The following NUP214 variants were observed in gnomAD, a reference collection of about 807,000 sequenced individuals.
NUP214 encodes nucleoporin 214.
In NUP214, 79 loss-of-function variants were observed where a neutral mutation model predicts 196.2. That is an observed-to-expected ratio of 0.40 (90% CI 0.34 to 0.49). The LOEUF (loss-of-function observed/expected upper bound fraction) is 0.49, where lower values mean the gene tolerates loss of function less well. NUP214 is among the 20% of genes least tolerant of loss of function. The pLI is 0.58. For synonymous variants in NUP214, 1,020 were observed against 990.5 expected, an observed-to-expected ratio of 1.03 and a Z score of -0.56; for missense variants, 2,468 against 2,539.0, an observed-to-expected ratio of 0.97 and a Z score of 0.60.
intron 19 of NUP214, 55 bp from the exon 20 acceptor site, chr9:131,163,815 A>C: frequency 7.5e-7 from 1 of 1,326,558 alleles, no homozygotes; most frequent in African/African-American, 1.4e-5. Context: ...TACCCCCGAC[A>C]GCCTCCGATC....
At chr9:131,228,013 C>A in intron 32 of NUP214, 147 bp from the exon 33 acceptor site, 1 of 705,258 alleles carries the variant, frequency 1.4e-6, no homozygotes, top group Non-Finnish European at 2.2e-6. Flanking sequence ...TTGCCCTTTA[C>A]TCTAGTTCTT....
intron 28 of NUP214, among the ~76,000 whole-genome samples, chr9:131,196,620 C>A (rs549137079): frequency 6.6e-6 from 1 of 152,202 alleles, no homozygotes; most frequent in East Asian, 1.9e-4. Context: ...GTAAAGCAAC[C>A]TTTCCAGATT....
At chr9:131,213,402 C>T (rs1404358970) in intron 30 of NUP214, among the ~76,000 whole-genome samples, 6 of 151,992 alleles carry the variant, frequency 3.9e-5, no homozygotes, top group East Asian at 1.9e-4. Flanking sequence ...CTTGAGCTCC[C>T]GACCTCAGGT....
chr9:131,132,054 T>G (rs533591336), intron 5 of NUP214, among the ~76,000 whole-genome samples: 2 of 152,074 alleles, frequency 1.3e-5, no homozygotes, highest in African/African-American at 4.8e-5. Context: ...TGGTGTTGCA[T>G]TGACTACTCT....
rs553839559 is a variant in NUP214 at position 131,132,271 on chromosome 9, A to G, written c.664-325A>G. 4.6e-5 allele frequency among the ~76,000 whole-genome samples: 7 copies of G among 151,726 alleles called. No homozygotes were observed. In the East Asian group the frequency reaches 1.4e-3, roughly 29 times the overall value. On this transcript the variant is annotated intron_variant, in intron 5 of 35. Transcript: ENST00000359428. ...AGTAGCTGGGATTACGGCACCCGCC[A>G]CCACACCCAGCTATGTATTTTTAGT...
intron 21 of NUP214, among the ~76,000 whole-genome samples, chr9:131,170,536 A>AATTGCTAAAAATTT: frequency 6.6e-6 from 1 of 152,262 alleles, no homozygotes; most frequent in African/African-American, 2.4e-5. Flanking sequence ...TTGTTAGATT[A>AATTGCTAAAAATTT]ATTGCTAAAA....
Position 131,198,791 on chromosome 9 carries a change from C to A in NUP214, c.5297C>A (p.Ser1766Tyr). The A allele has an allele frequency of 6.2e-7, 1 of 1,614,268 alleles. No homozygotes were observed. Among genetic ancestry groups the A allele is most frequent in the Non-Finnish European group, 8.5e-7 (1 of 1,180,046 alleles). The stretch of plus-strand genomic sequence containing the variant: ...CAGCCTGCTTCCTCCACTCCCACAT[C>A]CACCAGTGGAAGTGTCTTTGGTGCC... ...FGQPASSTPT[S>Y]TSGSVFGAAS... Residue 1766 changes from serine (S) to tyrosine (Y), a missense_variant, in exon 29 of 36, where the codon TCC (serine) becomes TAC (tyrosine). By Grantham distance (144) the Ser-to-Tyr change is moderately radical (BLOSUM62 -2). Transcript: ENST00000359428.
In NUP214 at chr9:131,146,242, C is replaced by T. The variant is rs764119454; in HGVS notation, c.1883C>T (p.Thr628Ile). The change falls in exon 13 of 36, where the codon ACA becomes ATA. Residue 628 changes from threonine to isoleucine, a missense_variant. This residue lies in a region of NUP214 where 1,801 missense variants were observed against 1,779.4 expected (regional missense o/e 1.01). Transcript: ENST00000359428. The surrounding 1 kb of genome is among the most constrained non-coding windows in gnomAD (Gnocchi z 4.6). ...GCTTCTGGACCACTCAGCCACCCCACACCTCTCTCAGCACCACCTAGTTCC... is the reference window on the plus strand; with the variant it reads ...GCTTCTGGACCACTCAGCCACCCCATACCTCTCTCAGCACCACCTAGTTCC... ...PAASGPLSHP[T>I]PLSAPPSSVP... The T allele has an allele frequency of 1.2e-6, 2 of 1,614,178 alleles. No homozygotes were observed. The highest frequency in any genetic ancestry group is 2.2e-5 in the South Asian group (2 of 91,082).
At chr9:131,173,911 C>T (rs1833025677) in intron 21 of NUP214, 144 bp from the exon 22 acceptor site, 1 of 1,086,492 alleles carries the variant, frequency 9.2e-7, no homozygotes, top group East Asian at 2.6e-5. Flanking sequence ...TCACATTTGA[C>T]AATACCTGCT....
chr9:131,140,365 A>G (rs960155494), intron 10 of NUP214, among the ~76,000 whole-genome samples, 184 bp from the exon 11 acceptor site: 1 of 152,182 alleles, frequency 6.6e-6, no homozygotes, highest in African/African-American at 2.4e-5. Context: ...TGATAGCGGC[A>G]GGAACTCTCT....
At chr9:131,166,979 C>T (rs976972660) in intron 21 of NUP214, 3 of 152,094 alleles carry the variant, frequency 2.0e-5, no homozygotes, top group African/African-American at 7.2e-5. Context: ...AAGGTGCTCT[C>T]TTACACACCA....
chr9:131,231,278 C>T (rs1241726148), intron 34 of NUP214, among the ~76,000 whole-genome samples: 2 of 152,024 alleles, frequency 1.3e-5, no homozygotes, highest in South Asian at 2.1e-4. Flanking sequence ...CTATAAACTC[C>T]GCCTCCCGGG....
intron 30 of NUP214, among the ~76,000 whole-genome samples, chr9:131,210,817 C>T (rs541248679): frequency 1.3e-5 from 2 of 152,210 alleles, no homozygotes; most frequent in Middle Eastern, 3.4e-3. Context: ...AGCATTTCTA[C>T]GATCTATGCA....
chr9:131,187,256 T>G (rs761923307), intron 24 of NUP214, 33 bp from the exon 25 acceptor site: 7 of 1,589,720 alleles, frequency 4.4e-6, no homozygotes. Flanking sequence ...TAGTCATGCC[T>G]TTCTCTGAGT....
intron 13 of NUP214, among the ~76,000 whole-genome samples, chr9:131,147,129 G>A (rs1832107809): frequency 6.6e-6 from 1 of 151,904 alleles, no homozygotes. Context: ...TGGGACTACA[G>A]GCATGTACCA....
Position 131,198,673 on chromosome 9 carries a change from G to C in NUP214, c.5179G>C (p.Gly1727Arg), listed in dbSNP as rs368306166. The C allele has an allele frequency of 6.2e-6, 10 of 1,614,188 alleles. No homozygotes were observed. Among genetic ancestry groups the C allele is most frequent in the Non-Finnish European group, 8.5e-6 (10 of 1,180,042 alleles). Reference protein sequence around the residue: ...APGVFGQTTFGQASVFGQSAS... With the variant: ...APGVFGQTTFRQASVFGQSAS... ...AGGGGTCTTTGGACAGACAACCTTC[G>C]GGCAGGCCTCAGTCTTTGGGCAGTC... The change falls in exon 29 of 36, where the codon GGG becomes CGG. Residue 1727 changes from glycine to arginine, a missense_variant. Gly to Arg is a moderately radical substitution (Grantham distance 125, BLOSUM62 -2). Coordinates refer to ENST00000359428, the MANE Select transcript of NUP214 (RefSeq NM_005085.4).
At chr9:131,175,420 T>G in intron 22 of NUP214, 40 bp from the exon 23 acceptor site, 2 of 1,609,812 alleles carry the variant, frequency 1.2e-6, no homozygotes, top group Non-Finnish European at 1.7e-6. Flanking sequence ...ATTTTCCTGT[T>G]CTCTCACCCA....
At chr9:131,161,381 C>T (rs935623901) in intron 18 of NUP214, among the ~76,000 whole-genome samples, 1 of 151,820 alleles carries the variant, frequency 6.6e-6, no homozygotes, top group Non-Finnish European at 1.5e-5. Flanking sequence ...CCTCAGCCTC[C>T]TTGAGTAGCT....
chr9:131,126,188 C>G (rs954715837), intron 1 of NUP214: 1 of 189,338 alleles, frequency 5.3e-6, no homozygotes, highest in African/African-American at 2.4e-5. Context: ...CCCAGTACTT[C>G]TGTAAGGTGA....
Sources: allele counts gnomAD v4.1 joint callset (sites outside exome capture counted in the v4.1 genomes callset), GRCh38; gene constraint gnomAD v4.1.1; regional missense constraint gnomAD v4.1.1; non-coding constraint Gnocchi (gnomAD v3.1); transcripts MANE v1.5; gene names NCBI Gene and HGNC (gene_info 2026-07-23, HGNC 2026-07-21).